SLC2A9: variants seen among roughly 807,000 people sequenced by gnomAD.
SLC2A9 encodes solute carrier family 2, facilitated glucose transporter member 9.
In SLC2A9, 39 loss-of-function variants were observed where a neutral mutation model predicts 50.6. The observed-to-expected ratio is 0.77, with a 90% confidence interval of 0.60 to 1.01. The LOEUF (loss-of-function observed/expected upper bound fraction) is 1.01, where lower values mean the gene tolerates loss of function less well. Among genes scored for constraint, SLC2A9 ranks in the 50% least tolerant of loss-of-function variants. The probability of loss-of-function intolerance (pLI) is 0.00; values close to 1 mark genes in which losing one functional copy is unlikely to be tolerated. For synonymous variants in SLC2A9, 324 were observed against 276.9 expected (o/e 1.17, Z -1.69); for missense variants, 686 against 677.6 (o/e 1.01, Z -0.14).
intron 1 of SLC2A9, among the ~76,000 whole-genome samples, chr4:10,039,160 T>C (rs1764199324): frequency 6.6e-6 from 1 of 152,230 alleles, no homozygotes; most frequent in African/African-American, 2.4e-5. Context: ...GTTGCAGAAA[T>C]GGACCTGGAA....
chr4:10,014,514 C>A (rs1762289645), intron 2 of SLC2A9, among the ~76,000 whole-genome samples: 1 of 152,200 alleles, frequency 6.6e-6, no homozygotes, highest in African/African-American at 2.4e-5. Context: ...CCTTTCTGAT[C>A]TGGCTTCAGC....
At chr4:9,908,017 G>C (rs1741000320) in intron 8 of SLC2A9, among the ~76,000 whole-genome samples, 1 of 152,144 alleles carries the variant, frequency 6.6e-6, no homozygotes, top group Non-Finnish European at 1.5e-5. Flanking sequence ...CCCACTTTGA[G>C]GTTTTGGGTC....
At chr4:10,028,130 C>T (rs141413917) in intron 1 of SLC2A9, among the ~76,000 whole-genome samples, 95 of 152,300 alleles carry the variant, frequency 6.2e-4, no homozygotes, top group Middle Eastern at 6.8e-3. Context: ...GCAGCCCCTT[C>T]GAGCTGCCAC....
rs1362509060 is a variant in SLC2A9 at position 9,965,029 on chromosome 4, C to T, written c.681+15563G>A. On this transcript the variant is annotated intron_variant, in intron 5 of 11. Coordinates refer to ENST00000264784, the MANE Select transcript of SLC2A9 (RefSeq NM_020041.3). ...GTACTGCCACATGACATAAATGACG[C>T]GATGACTGACATCAATTTGGCACCA... 2.0e-5 allele frequency among the ~76,000 whole-genome samples: 3 copies of T among 152,330 alleles called. No homozygotes were observed. The East Asian group carries it at 5.8e-4, about 29-fold the overall frequency.
At chr4:9,917,153 G>A (rs1742996905) in intron 7 of SLC2A9, among the ~76,000 whole-genome samples, 1 of 152,046 alleles carries the variant, frequency 6.6e-6, no homozygotes, top group African/African-American at 2.4e-5. Context: ...TGCTCGAAAG[G>A]AAGGCAGCTG....
intron 1 of SLC2A9, among the ~76,000 whole-genome samples, chr4:10,030,976 C>T (rs1763926348): frequency 2.6e-5 from 4 of 152,158 alleles, no homozygotes; most frequent in South Asian, 2.1e-4. Context: ...AACTCAACCC[C>T]AGCTGCACGC....
intron 10 of SLC2A9, among the ~76,000 whole-genome samples, chr4:9,858,810 A>C (rs62295695): frequency 0.11 from 17,433 of 152,184 alleles, 1,149 homozygotes; most frequent in African/African-American, 0.15. Context: ...CATTTGAGTC[A>C]GTGGACTGGG....
chr4:10,029,500 A>G (rs1763861852), intron 1 of SLC2A9, among the ~76,000 whole-genome samples: 2 of 152,132 alleles, frequency 1.3e-5, no homozygotes, highest in Admixed American at 6.5e-5. Flanking sequence ...TGTACAATGT[A>G]TAAAATCCCA....
chr4:9,804,443 C>T (rs544404333), intron 3 of SLC2A9, among the ~76,000 whole-genome samples: 4 of 151,400 alleles, frequency 2.6e-5, no homozygotes, highest in Non-Finnish European at 5.9e-5. Flanking sequence ...TTCAGCTGAG[C>T]AGAGCAGCTG....
At chr4:9,979,779 T>C (rs904893126) in intron 5 of SLC2A9, among the ~76,000 whole-genome samples, 1 of 152,138 alleles carries the variant, frequency 6.6e-6, no homozygotes, top group Non-Finnish European at 1.5e-5. Flanking sequence ...GGTGGCTCAG[T>C]GAACAGACGC....
chr4:9,826,941 G>A (rs1725244374), intron 11 of SLC2A9, among the ~76,000 whole-genome samples: 1 of 152,128 alleles, frequency 6.6e-6, no homozygotes, highest in Non-Finnish European at 1.5e-5. Flanking sequence ...TAACCACATT[G>A]TCTTCTTGCT....
At chr4:9,852,848 G>A (rs980864360) in intron 10 of SLC2A9, among the ~76,000 whole-genome samples, 5 of 152,126 alleles carry the variant, frequency 3.3e-5, no homozygotes, top group Non-Finnish European at 7.4e-5. Context: ...AATCAAATCT[G>A]CACATACCAG....
At chr4:10,003,978 G>C (rs1336129085) in intron 2 of SLC2A9, among the ~76,000 whole-genome samples, 8 of 152,084 alleles carry the variant, frequency 5.3e-5, no homozygotes, top group Non-Finnish European at 1.2e-4. Flanking sequence ...AGCCACAAGG[G>C]GCCCTCCCAA....
intron 3 of SLC2A9, among the ~76,000 whole-genome samples, chr4:9,803,138 C>T (rs1721682587): frequency 6.6e-6 from 1 of 152,196 alleles, no homozygotes; most frequent in African/African-American, 2.4e-5. Context: ...ACCACTTAGC[C>T]TTTGTAGGTT....
downstream of SLC2A9, among the ~76,000 whole-genome samples, chr4:9,778,139 C>T (rs1717829462): frequency 6.6e-6 from 1 of 150,464 alleles, no homozygotes; most frequent in South Asian, 2.1e-4. Context: ...CCGAGTCTTG[C>T]TCTGTTGTCC....
chr4:9,860,178 T>C (rs1478326451), intron 10 of SLC2A9, among the ~76,000 whole-genome samples: 2 of 152,036 alleles, frequency 1.3e-5, no homozygotes, highest in African/African-American at 2.4e-5. Flanking sequence ...TCCTCCTCCT[T>C]CTCCTCCCTC....
Position 9,985,692 on chromosome 4 carries a change from C to T in SLC2A9, c.512G>A (p.Arg171His), listed in dbSNP as rs769968441. ...AGAFEMLIVG[R>H]FIMGIDGGVA... ...ACCTCCATCTATGCCCATGATGAAG[C>T]GTCCCACGATGAGCATTTCAAAGGC... The change falls in exon 4 of 12, where the codon CGC becomes CAC. Residue 171 changes from arginine to histidine, a missense_variant. Arg to His is a conservative substitution (Grantham distance 29). Coordinates refer to ENST00000264784, the MANE Select transcript of SLC2A9 (RefSeq NM_020041.3). The T allele has an allele frequency of 7.4e-6, 12 of 1,613,884 alleles. No homozygotes were observed. The highest frequency in any genetic ancestry group is 4.0e-5 in the African/African-American group (3 of 74,942).
intron 1 of SLC2A9, among the ~76,000 whole-genome samples, chr4:10,019,915 C>A (rs1382923690): frequency 6.6e-6 from 1 of 152,254 alleles, no homozygotes. Flanking sequence ...CAAAGGCTGA[C>A]AAGCTGGCAT....
At chr4:9,848,030 A>G (rs1368642945) in intron 10 of SLC2A9, among the ~76,000 whole-genome samples, 2 of 152,150 alleles carry the variant, frequency 1.3e-5, no homozygotes, top group African/African-American at 2.4e-5. Flanking sequence ...AACTGAGGCT[A>G]GAGAGGTGGA....
Sources: gnomAD v4.1 joint callset for allele counts (sites outside exome capture counted in the v4.1 genomes callset) on GRCh38, gnomAD v4.1.1 for gene constraint, MANE v1.5 for transcripts, NCBI Gene and HGNC (gene_info 2026-07-23, HGNC 2026-07-21) for gene names.